Variants in NKAIN3 observed in about 807,000 individuals in gnomAD.
NKAIN3 encodes the protein sodium/potassium transporting ATPase interacting 3, also known as sodium/potassium-transporting ATPase subunit beta-1-interacting protein 3.
NKAIN3 carries 25 observed loss-of-function variants against 30.2 expected under a neutral mutation model. The observed-to-expected ratio is 0.83, with a 90% confidence interval of 0.60 to 1.16. The LOEUF (loss-of-function observed/expected upper bound fraction) is 1.16. Among genes scored for constraint, NKAIN3 ranks in the 50% most tolerant of loss-of-function variants. The probability of loss-of-function intolerance (pLI) is 0.00; values close to 1 mark genes in which losing one functional copy is unlikely to be tolerated. For missense variants in NKAIN3, 225 were observed against 254.1 expected, an observed-to-expected ratio of 0.89 and a Z score of 0.78; for synonymous variants, 91 against 89.6, an observed-to-expected ratio of 1.02 and a Z score of -0.09.
chr8:62,736,887 C>T (rs568254734), intron 3 of NKAIN3, among the ~76,000 whole-genome samples: 1 of 152,294 alleles, frequency 6.6e-6, no homozygotes, highest in South Asian at 2.1e-4. Flanking sequence ...TCTCTCAATG[C>T]TTCCTCTAGC....
chr8:62,861,078 G>T (rs1820224144), intron 4 of NKAIN3, among the ~76,000 whole-genome samples: 1 of 152,168 alleles, frequency 6.6e-6, no homozygotes, highest in Admixed American at 6.5e-5. Flanking sequence ...GTCCTCTTCT[G>T]GGCTTAGCAT....
intron 1 of NKAIN3, among the ~76,000 whole-genome samples, chr8:62,500,736 G>A (rs1807422209): frequency 6.6e-6 from 1 of 152,184 alleles, no homozygotes; most frequent in Non-Finnish European, 1.5e-5. Flanking sequence ...GGGACCAAGA[G>A]GGAGGTTGTC....
intron 1 of NKAIN3, among the ~76,000 whole-genome samples, chr8:62,389,734 G>C (rs1441137617): frequency 6.6e-6 from 1 of 152,190 alleles, no homozygotes; most frequent in Admixed American, 6.5e-5. Flanking sequence ...CAGAGTAACT[G>C]TTTATTATGT....
chr8:62,794,660 C>T (rs543304492), intron 4 of NKAIN3, among the ~76,000 whole-genome samples: 1 of 152,176 alleles, frequency 6.6e-6, no homozygotes, highest in Non-Finnish European at 1.5e-5. Context: ...ATCTCCTACA[C>T]TTGTTACTTA....
intron 5 of NKAIN3, among the ~76,000 whole-genome samples, chr8:62,995,099 T>C (rs1488786055): frequency 6.6e-6 from 1 of 152,216 alleles, no homozygotes; most frequent in Non-Finnish European, 1.5e-5. Flanking sequence ...GGTATTTACA[T>C]TTGCACATTC....
intron 1 of NKAIN3, among the ~76,000 whole-genome samples, chr8:62,440,506 C>A (rs1180636050): frequency 6.6e-6 from 1 of 152,180 alleles, no homozygotes; most frequent in Non-Finnish European, 1.5e-5. Flanking sequence ...TAACTCTGCT[C>A]TTCATCAGAT....
intron 2 of NKAIN3, among the ~76,000 whole-genome samples, chr8:62,584,331 A>G (rs1810404708): frequency 6.6e-6 from 1 of 152,222 alleles, no homozygotes; most frequent in Non-Finnish European, 1.5e-5. Context: ...ATGTATGTTC[A>G]CTGAGACAAT....
At chr8:62,731,997 T>C (rs1184899689) in intron 3 of NKAIN3, among the ~76,000 whole-genome samples, 1 of 152,102 alleles carries the variant, frequency 6.6e-6, no homozygotes, top group Admixed American at 6.5e-5. Context: ...TAAGAATATA[T>C]AATCAAAATG....
chr8:62,855,499 C>A (rs1366615084), intron 4 of NKAIN3: 1 of 1,396,102 alleles, frequency 7.2e-7, no homozygotes, highest in Non-Finnish European at 1.0e-6. Context: ...TGGTAAATTT[C>A]CCTTCAGGAT....
At chr8:62,817,910 C>T (rs926032760) in intron 4 of NKAIN3, among the ~76,000 whole-genome samples, 1 of 152,098 alleles carries the variant, frequency 6.6e-6, no homozygotes, top group African/African-American at 2.4e-5. Context: ...TTTTTGATTG[C>T]ATATATAACT....
intron 3 of NKAIN3, among the ~76,000 whole-genome samples, chr8:62,715,017 G>C (rs181080616): frequency 6.6e-6 from 1 of 152,282 alleles, no homozygotes; most frequent in African/African-American, 2.4e-5. Context: ...CATGGGTGGG[G>C]AGGCCTCAGG....
chr8:62,341,300 A>G lies in NKAIN3; in HGVS notation c.54+92173A>G, dbSNP rs149448184. ...AAAAGACATTTATGATGTTAATTTT[A>G]TAAAAAATCAAGAAGGTGATATGAG... On this transcript the variant is annotated intron_variant, in intron 1 of 6. Coordinates refer to ENST00000623646, the MANE Select transcript of NKAIN3 (RefSeq NM_001304533.3). Among the ~76,000 whole-genome samples the G allele has an allele frequency of 1.2e-3, 188 of 152,232 alleles. 1 individual carries two copies. Among genetic ancestry groups the G allele is most frequent in the African/African-American group, 4.4e-3 (182 of 41,580 alleles).
At chr8:62,254,027 G>A (rs1812190510) in intron 1 of NKAIN3, among the ~76,000 whole-genome samples, 1 of 152,070 alleles carries the variant, frequency 6.6e-6, no homozygotes, top group Admixed American at 6.6e-5. Context: ...AAAGGTTAGT[G>A]AAATTCAAAT....
At chr8:62,584,351 C>G (rs573162648) in intron 2 of NKAIN3, among the ~76,000 whole-genome samples, 1 of 152,184 alleles carries the variant, frequency 6.6e-6, no homozygotes, top group South Asian at 2.1e-4. Context: ...TTTAATAGAC[C>G]TCTAGTTTTA....
At chr8:62,603,099 T>C (rs2130155422) in intron 3 of NKAIN3, among the ~76,000 whole-genome samples, 1 of 152,242 alleles carries the variant, frequency 6.6e-6, no homozygotes, top group Admixed American at 6.5e-5. Context: ...GATAAGATCA[T>C]TGTAGAAGAA....
intron 1 of NKAIN3, among the ~76,000 whole-genome samples, chr8:62,254,419 C>T (rs916852566): frequency 1.3e-5 from 2 of 151,702 alleles, no homozygotes; most frequent in South Asian, 2.1e-4. Context: ...AGACTAGAAC[C>T]GAAAATAGGA....
At chr8:62,335,118 G>T (rs969535621) in intron 1 of NKAIN3, among the ~76,000 whole-genome samples, 10 of 151,994 alleles carry the variant, frequency 6.6e-5, no homozygotes, top group African/African-American at 2.4e-4. Flanking sequence ...GCCACAGATA[G>T]CTTACATTTC....
At chr8:62,595,535 G>A (rs1025365911) in intron 3 of NKAIN3, among the ~76,000 whole-genome samples, 1 of 151,808 alleles carries the variant, frequency 6.6e-6, no homozygotes. Context: ...CTCCCACTGT[G>A]CTCTCAGGCA....
intron 5 of NKAIN3, among the ~76,000 whole-genome samples, chr8:62,998,554 T>C (rs1804180527): frequency 6.6e-6 from 1 of 152,164 alleles, no homozygotes; most frequent in Non-Finnish European, 1.5e-5. Context: ...GGATTACAGG[T>C]GTGAGTCACC....
Sources: allele counts gnomAD v4.1 joint callset (sites outside exome capture counted in the v4.1 genomes callset), GRCh38; gene constraint gnomAD v4.1.1; transcripts MANE v1.5; gene names NCBI Gene and HGNC (gene_info 2026-07-23, HGNC 2026-07-21).